The following TAOK3 variants were observed in gnomAD, a reference collection of about 807,000 sequenced individuals.
TAOK3 encodes TAO kinase 3, also known as serine/threonine-protein kinase TAO3.
In TAOK3, 40 loss-of-function variants were observed where a neutral mutation model predicts 120.4. That is an observed-to-expected ratio of 0.33 (90% CI 0.26 to 0.43). TAOK3 has a LOEUF of 0.43. TAOK3 is among the 20% of genes least tolerant of loss of function. TAOK3 has a pLI of 1.00. For synonymous variants in TAOK3, 355 were observed against 387.5 expected, an observed-to-expected ratio of 0.92 and a Z score of 0.99; for missense variants, 821 against 1,112.1, an observed-to-expected ratio of 0.74 and a Z score of 3.72.
chr12:118,362,069 C>T (rs759326925), intron 1 of TAOK3, among the ~76,000 whole-genome samples: 6 of 152,008 alleles, frequency 3.9e-5, no homozygotes, highest in African/African-American at 9.7e-5. Flanking sequence ...GCCAACAAAT[C>T]GGAGGAACTC....
At chr12:118,195,755 A>T (rs1164991825) in intron 13 of TAOK3, among the ~76,000 whole-genome samples, 5 of 152,240 alleles carry the variant, frequency 3.3e-5, no homozygotes, top group African/African-American at 4.8e-5. Context: ...TTGCTCAAAA[A>T]GAAGACTGGA....
At chr12:118,218,319 C>T (rs2039042576) in intron 9 of TAOK3, among the ~76,000 whole-genome samples, 1 of 152,064 alleles carries the variant, frequency 6.6e-6, no homozygotes, top group African/African-American at 2.4e-5. Flanking sequence ...AGAAAGTTTG[C>T]AGAGCTTGCT....
At chr12:118,365,559 T>C (rs1416748073) in intron 1 of TAOK3, among the ~76,000 whole-genome samples, 2 of 152,178 alleles carry the variant, frequency 1.3e-5, no homozygotes, top group African/African-American at 4.8e-5. Context: ...CTTTAGTACC[T>C]TTTAGATATA....
Position 118,160,467 on chromosome 12 carries a change from A to G in TAOK3, c.2140-109T>C. On this transcript the variant is annotated intron_variant, in intron 18 of 20. Coordinates refer to ENST00000392533, the MANE Select transcript of TAOK3 (RefSeq NM_016281.4). The surrounding 1 kb of genome is among the most constrained non-coding windows in gnomAD (Gnocchi z 4.2). ...GCTGAGAGCGTCTGTTTTTTGGTGCAGTGACTCACATTGCTAATCAATAAA... is the reference window on the plus strand; with the variant it reads ...GCTGAGAGCGTCTGTTTTTTGGTGCGGTGACTCACATTGCTAATCAATAAA... 1.2e-6 allele frequency: 1 copy of G among 843,888 alleles called. No homozygotes were observed. The highest frequency in any genetic ancestry group is 2.5e-5 in the East Asian group (1 of 40,528). 52.3% of individuals were successfully genotyped at this position (843,888 alleles called of 1,614,324 possible). A position where few individuals can be genotyped will look rare whatever the true frequency, so the allele number is the denominator to read the frequency against.
intron 1 of TAOK3, among the ~76,000 whole-genome samples, chr12:118,301,893 G>A (rs531489594): frequency 4.0e-5 from 6 of 150,596 alleles, no homozygotes; most frequent in Non-Finnish European, 7.4e-5. Flanking sequence ...TAAGGGTTAA[G>A]TACATCAAAA....
At chr12:118,370,753 T>C (rs1229790109) in intron 1 of TAOK3, among the ~76,000 whole-genome samples, 2 of 152,182 alleles carry the variant, frequency 1.3e-5, no homozygotes, top group Non-Finnish European at 2.9e-5. Context: ...TAGTTTAATT[T>C]TCACATCCCT....
intron 1 of TAOK3, among the ~76,000 whole-genome samples, chr12:118,351,876 T>C (rs980716318): frequency 1.4e-5 from 2 of 142,258 alleles, no homozygotes; most frequent in Non-Finnish European, 3.1e-5. Flanking sequence ...TTTTTTTTTT[T>C]TTTTTTTTTT....
In TAOK3 at chr12:118,372,748, G is replaced by A. The variant is rs1276036842; in HGVS notation, c.-294C>T. 1 of 152,862 alleles carries A rather than the reference G, an allele frequency of 6.5e-6. No individual in the cohort carries two copies. The highest frequency in any genetic ancestry group is 1.5e-5 in the Non-Finnish European group (1 of 68,558). 9.5% of individuals were successfully genotyped at this position (152,862 alleles called of 1,614,324 possible). ...CTCTCCTGTGGCTTGTTCCCCGGCGGATCCTTGGGTCCGGTCGCTGAGTGC... is the reference window on the plus strand; with the variant it reads ...CTCTCCTGTGGCTTGTTCCCCGGCGAATCCTTGGGTCCGGTCGCTGAGTGC... On this transcript the variant is annotated 5_prime_UTR_variant, in exon 1 of 21. Transcript: ENST00000392533. This position sits in a 1 kb window ranked among gnomAD's most constrained non-coding sequence, Gnocchi z 4.6.
chr12:118,322,716 ACCTTTTT>A (rs1461870029), intron 1 of TAOK3, among the ~76,000 whole-genome samples: 3,825 of 142,176 alleles, frequency 0.027, 114 homozygotes, highest in African/African-American at 0.085. Context: ...AAATTTAAAA[ACCTTTTT>A]TTTTTTTTTT....
chr12:118,201,158 T>C (rs923177346), intron 12 of TAOK3, 138 bp downstream of exon 12: 4 of 818,306 alleles, frequency 4.9e-6, no homozygotes, highest in Non-Finnish European at 7.5e-6. Flanking sequence ...TGAATGTCTC[T>C]TGTACAACCC....
At chr12:118,171,211 T>A (rs1321646846) in intron 17 of TAOK3, among the ~76,000 whole-genome samples, 1 of 152,224 alleles carries the variant, frequency 6.6e-6, no homozygotes, top group African/African-American at 2.4e-5. Context: ...CAGTTCTGAG[T>A]AAGAAATGTC....
intron 8 of TAOK3, among the ~76,000 whole-genome samples, chr12:118,234,145 T>C (rs1358851174): frequency 2.6e-5 from 4 of 151,736 alleles, no homozygotes; most frequent in Non-Finnish European, 5.9e-5. Flanking sequence ...AACATCTGAT[T>C]ATATTGCTTT....
chr12:118,348,845 CTTT>C (rs756607862), intron 1 of TAOK3, among the ~76,000 whole-genome samples: 3 of 127,812 alleles, frequency 2.3e-5, no homozygotes, highest in Admixed American at 1.6e-4. Flanking sequence ...AAAATAATTT[CTTT>C]TTTTTTTTTT....
chr12:118,276,015 A>G (rs1012551936), intron 1 of TAOK3, among the ~76,000 whole-genome samples: 4 of 152,182 alleles, frequency 2.6e-5, no homozygotes, highest in Non-Finnish European at 5.9e-5. Flanking sequence ...ATGTAGTAGG[A>G]GAAGAGATAG....
At chr12:118,272,379 T>A (rs1416820481) in intron 1 of TAOK3, among the ~76,000 whole-genome samples, 1 of 151,934 alleles carries the variant, frequency 6.6e-6, no homozygotes, top group Non-Finnish European at 1.5e-5. Flanking sequence ...ATTTTCCCTT[T>A]CCCAGAAACT....
At position 118,150,476 on chromosome 12, in the gene TAOK3, CTTTG is replaced by C. The variant is rs1384447886; in HGVS notation, c.*517_*520del. The C allele has an allele frequency of 5.1e-5, 7 of 137,692 alleles. No individual in the cohort carries two copies. The highest frequency in any genetic ancestry group is 1.6e-4 in the African/African-American group (6 of 37,166). 8.5% of individuals were successfully genotyped at this position (137,692 alleles called of 1,614,324 possible). On this transcript the variant is annotated 3_prime_UTR_variant, in exon 21 of 21. Coordinates refer to ENST00000392533, the MANE Select transcript of TAOK3 (RefSeq NM_016281.4). ...ATCAAATTTTCAATCTTTAATAAAA[CTTTG>C]TTTTTTTTATTCCTGATGAATAAAT... is the stretch of plus-strand genomic sequence containing the variant.
At chr12:118,307,632 C>T (rs1235698395) in intron 1 of TAOK3, among the ~76,000 whole-genome samples, 2 of 152,050 alleles carry the variant, frequency 1.3e-5, no homozygotes, top group Non-Finnish European at 2.9e-5. Context: ...TCTTTCCTTC[C>T]ACTGCTAGAC....
chr12:118,281,052 C>G (rs1566058129), intron 1 of TAOK3, among the ~76,000 whole-genome samples: 1 of 152,158 alleles, frequency 6.6e-6, no homozygotes, highest in Non-Finnish European at 1.5e-5. Context: ...GATTTTGTAT[C>G]CCGAAACTGC....
At chr12:118,218,303 GAT>G (rs1407513445) in intron 9 of TAOK3, among the ~76,000 whole-genome samples, 1 of 152,126 alleles carries the variant, frequency 6.6e-6, no homozygotes, top group African/African-American at 2.4e-5. Flanking sequence ...TCAGGGGGCA[GAT>G]TTTAGAAAGT....
Sources: allele counts gnomAD v4.1 joint callset (sites outside exome capture counted in the v4.1 genomes callset), GRCh38; gene constraint gnomAD v4.1.1; non-coding constraint Gnocchi (gnomAD v3.1); transcripts MANE v1.5; gene names NCBI Gene and HGNC (gene_info 2026-07-23, HGNC 2026-07-21).